CDKAL1: variants seen among roughly 807,000 people sequenced by gnomAD.
The protein encoded by CDKAL1 is CDKAL1 threonylcarbamoyladenosine tRNA methylthiotransferase.
CDKAL1 carries 32 observed loss-of-function variants against 68.2 expected under a neutral mutation model. That is an observed-to-expected ratio of 0.47 (90% CI 0.35 to 0.63). CDKAL1 has a LOEUF of 0.63. Among genes scored for constraint, CDKAL1 ranks in the 30% least tolerant of loss-of-function variants. CDKAL1 has a pLI of 0.00. For missense variants in CDKAL1, 606 were observed against 696.7 expected (o/e 0.87, Z 1.47); for synonymous variants, 234 against 244.3 (o/e 0.96, Z 0.39).
chr6:20,816,154 G>A (rs1777039005), intron 8 of CDKAL1, among the ~76,000 whole-genome samples: 1 of 142,820 alleles, frequency 7.0e-6, no homozygotes, highest in Non-Finnish European at 1.5e-5. Context: ...AAGGACAACA[G>A]TCATTGGATT....
intron 6 of CDKAL1, among the ~76,000 whole-genome samples, chr6:20,751,967 G>A (rs1302991864): frequency 6.6e-6 from 1 of 151,922 alleles, no homozygotes; most frequent in Non-Finnish European, 1.5e-5. Flanking sequence ...CTTCATTACT[G>A]TATGTGAATT....
chr6:20,783,368 C>T (rs555212006), intron 8 of CDKAL1, among the ~76,000 whole-genome samples: 122 of 152,214 alleles, frequency 8.0e-4, no homozygotes, highest in African/African-American at 2.0e-3. Context: ...TTTCCAGGTA[C>T]GTATTTGGCC....
chr6:20,921,877 T>G (rs569618474), intron 9 of CDKAL1, among the ~76,000 whole-genome samples: 1 of 152,336 alleles, frequency 6.6e-6, no homozygotes, highest in East Asian at 1.9e-4. Flanking sequence ...TGCAGTTATC[T>G]CTACTATTTT....
At chr6:20,563,848 A>G (rs1165873024) in intron 4 of CDKAL1, among the ~76,000 whole-genome samples, 1 of 152,206 alleles carries the variant, frequency 6.6e-6, no homozygotes, top group East Asian at 1.9e-4. Flanking sequence ...ACAGAATCTT[A>G]ACTAATATAA....
chr6:20,849,527 G>C (rs1259725022), intron 9 of CDKAL1, among the ~76,000 whole-genome samples: 5 of 149,918 alleles, frequency 3.3e-5, no homozygotes, highest in Non-Finnish European at 4.4e-5. Flanking sequence ...AGCTTGCAGT[G>C]AGCTGAGATT....
chr6:20,636,183 C>G (rs1360613060), intron 4 of CDKAL1, among the ~76,000 whole-genome samples: 2 of 152,108 alleles, frequency 1.3e-5, no homozygotes, highest in Non-Finnish European at 2.9e-5. Flanking sequence ...AGAGACCTTC[C>G]TGCTTCTGCT....
intron 4 of CDKAL1, among the ~76,000 whole-genome samples, chr6:20,618,774 G>A (rs1329641488): frequency 6.6e-6 from 1 of 151,994 alleles, no homozygotes; most frequent in Non-Finnish European, 1.5e-5. Flanking sequence ...GACTTCCCAG[G>A]CTCAGCTGAT....
At chr6:20,894,592 T>C (rs1761580422) in intron 9 of CDKAL1, among the ~76,000 whole-genome samples, 2 of 152,198 alleles carry the variant, frequency 1.3e-5, no homozygotes, top group South Asian at 4.1e-4. Flanking sequence ...TTTGGGAAGT[T>C]TGAAGAAGGT....
intron 12 of CDKAL1, among the ~76,000 whole-genome samples, chr6:21,090,527 C>G (rs1257803306): frequency 6.6e-6 from 1 of 152,186 alleles, no homozygotes; most frequent in Non-Finnish European, 1.5e-5. Flanking sequence ...ATTCCCTTTG[C>G]TGATAGAGAC....
chr6:20,631,104 C>G (rs1198002300), intron 4 of CDKAL1, among the ~76,000 whole-genome samples: 1 of 152,152 alleles, frequency 6.6e-6, no homozygotes, highest in East Asian at 1.9e-4. Flanking sequence ...ACTTTTAAGT[C>G]CATTGTGTTG....
chr6:21,223,363 C>T (rs1779605594), intron 15 of CDKAL1, among the ~76,000 whole-genome samples: 1 of 152,176 alleles, frequency 6.6e-6, no homozygotes, highest in Non-Finnish European at 1.5e-5. Flanking sequence ...CTATTAGCTA[C>T]TTCACTGAGT....
In CDKAL1 at chr6:20,955,444, C is replaced by T. The variant is rs779467568; in HGVS notation, c.768C>T (p.Thr256=). The T allele has an allele frequency of 1.2e-6, 2 of 1,614,080 alleles. No individual in the cohort carries two copies. Among genetic ancestry groups the T allele is most frequent in the South Asian group, 2.2e-5 (2 of 91,066 alleles). Residue 256 remains threonine (T), a synonymous_variant, in exon 10 of 16, where the codon ACC becomes ACT. Coordinates refer to ENST00000274695, the MANE Select transcript of CDKAL1 (RefSeq NM_017774.3). ...AGGGTGTTTGTGAGATATGGTTGAC[C>T]AGTGAAGACACGGGGGCTTATGGCA... ...FQEGVCEIWL[T]SEDTGAYGRD...
intron 8 of CDKAL1, among the ~76,000 whole-genome samples, chr6:20,810,392 TCACACACACACA>T (rs59104508): frequency 0.095 from 10,997 of 115,536 alleles, 592 homozygotes; most frequent in South Asian, 0.13. Flanking sequence ...TCTCTCTCTG[TCACACACACACA>T]CACACACACA....
intron 9 of CDKAL1, among the ~76,000 whole-genome samples, chr6:20,870,508 A>G (rs1760154669): frequency 6.6e-6 from 1 of 152,220 alleles, no homozygotes; most frequent in South Asian, 2.1e-4. Flanking sequence ...TACTTAATAT[A>G]CACTGTGATG....
At chr6:20,859,953 A>G (rs1186901616) in intron 9 of CDKAL1, among the ~76,000 whole-genome samples, 2 of 152,164 alleles carry the variant, frequency 1.3e-5, no homozygotes, top group Admixed American at 6.5e-5. Context: ...TTCACATTAA[A>G]GTGTCCACTT....
At chr6:20,880,422 A>C (rs1296140171) in intron 9 of CDKAL1, among the ~76,000 whole-genome samples, 1 of 151,912 alleles carries the variant, frequency 6.6e-6, no homozygotes, top group African/African-American at 2.4e-5. Flanking sequence ...TGCCCAGCTA[A>C]TTTTTGTATT....
chr6:20,731,019 G>T (rs1772900756), intron 5 of CDKAL1, among the ~76,000 whole-genome samples: 1 of 152,132 alleles, frequency 6.6e-6, no homozygotes, highest in Non-Finnish European at 1.5e-5. Flanking sequence ...TGGAGAAACA[G>T]CAAGTGCCAT....
chr6:20,787,901 T>A lies in CDKAL1; in HGVS notation c.638+6636T>A, dbSNP rs939105084. ...GTTTATAAGAGGTTGGAAGTAAAAA[T>A]CCTGCTCTGTCACTATATATAGTTT... On this transcript the variant is annotated intron_variant, in intron 8 of 15. Transcript: ENST00000274695. Among the ~76,000 whole-genome samples the A allele has an allele frequency of 2.0e-5, 3 of 152,218 alleles. No individual in the cohort carries two copies. The East Asian group carries it at 5.8e-4, about 29-fold the overall frequency.
chr6:21,112,774 G>A (rs891858372), intron 13 of CDKAL1, among the ~76,000 whole-genome samples: 2 of 152,160 alleles, frequency 1.3e-5, no homozygotes, highest in African/African-American at 4.8e-5. Context: ...CTCAACCAGA[G>A]CATCTTTTGT....
Sources: gnomAD v4.1 joint callset for allele counts (sites outside exome capture counted in the v4.1 genomes callset) on GRCh38, gnomAD v4.1.1 for gene constraint, MANE v1.5 for transcripts, NCBI Gene and HGNC (gene_info 2026-07-23, HGNC 2026-07-21) for gene names.